The following DTWD2 variants were observed in gnomAD, a reference collection of about 807,000 sequenced individuals.
DTWD2 encodes the protein DTW motif tRNA-uridine aminocarboxypropyltransferase 2, also known as tRNA-uridine aminocarboxypropyltransferase 2.
In DTWD2, 39 loss-of-function variants were observed where a neutral mutation model predicts 31.8. The ratio of observed to expected loss-of-function variants is 1.22; its 90% CI spans 0.95 to 1.60. The LOEUF is 1.60. Ranked by LOEUF, DTWD2 falls within the 40% of genes most tolerant of loss-of-function variation. DTWD2 has a pLI of 0.00. For missense variants in DTWD2, 515 were observed against 381.5 expected, an observed-to-expected ratio of 1.35 and a Z score of -2.92; for synonymous variants, 180 against 142.8, an observed-to-expected ratio of 1.26 and a Z score of -1.86.
chr5:118,947,726 G>C (rs534593237), intron 1 of DTWD2, among the ~76,000 whole-genome samples: 19 of 152,236 alleles, frequency 1.2e-4, no homozygotes, highest in African/African-American at 4.3e-4. Flanking sequence ...CAGGGACCTT[G>C]CCCTTTTCTG....
chr5:118,885,779 T>A (rs1389852485), intron 4 of DTWD2, among the ~76,000 whole-genome samples: 8 of 149,594 alleles, frequency 5.3e-5, no homozygotes, highest in Non-Finnish European at 7.4e-5. Flanking sequence ...AAAAAAAAAA[T>A]AAAAATAATA....
At chr5:118,883,961 G>A (rs1391961860) in intron 4 of DTWD2, among the ~76,000 whole-genome samples, 3 of 152,194 alleles carry the variant, frequency 2.0e-5, no homozygotes, top group Non-Finnish European at 4.4e-5. Context: ...GAGCAGAAGA[G>A]ACAGAATAGT....
At chr5:118,905,749 C>A (rs1297661381) in intron 4 of DTWD2, among the ~76,000 whole-genome samples, 2 of 151,970 alleles carry the variant, frequency 1.3e-5, no homozygotes, top group African/African-American at 2.4e-5. Context: ...GCTTTGCTAA[C>A]CAGAAAGGCT....
chr5:118,987,180 C>T, intron 1 of DTWD2, among the ~76,000 whole-genome samples: 1 of 152,146 alleles, frequency 6.6e-6, no homozygotes, highest in Non-Finnish European at 1.5e-5. Context: ...CTTCCCCAAC[C>T]CCCTCAGACG....
At chr5:118,939,599 T>C (rs1754137029) in intron 2 of DTWD2, among the ~76,000 whole-genome samples, 2 of 152,234 alleles carry the variant, frequency 1.3e-5, no homozygotes. Flanking sequence ...AATCATTTAC[T>C]CTGACAAGTT....
At chr5:118,934,622 T>C (rs1275927763) in intron 3 of DTWD2, among the ~76,000 whole-genome samples, 2 of 152,050 alleles carry the variant, frequency 1.3e-5, no homozygotes, top group Non-Finnish European at 2.9e-5. Flanking sequence ...AAAAACTTAG[T>C]AACCCAGAAG....
At chr5:118,868,781 G>A (rs1239005381) in intron 4 of DTWD2, among the ~76,000 whole-genome samples, 2 of 148,314 alleles carry the variant, frequency 1.3e-5, no homozygotes, top group African/African-American at 2.5e-5. Flanking sequence ...CGAGGCTGCA[G>A]TGAACCGTGA....
At chr5:118,921,691 T>A (rs1035929365) in intron 4 of DTWD2, among the ~76,000 whole-genome samples, 1 of 152,194 alleles carries the variant, frequency 6.6e-6, no homozygotes, top group Admixed American at 6.5e-5. Flanking sequence ...ATTTAAAGCA[T>A]ATTTCCTGGA....
chr5:118,853,448 T>C (rs957817850), intron 4 of DTWD2, among the ~76,000 whole-genome samples: 2 of 152,132 alleles, frequency 1.3e-5, no homozygotes, highest in African/African-American at 4.8e-5. Flanking sequence ...TACATGCACT[T>C]ATATGTTCAC....
intron 5 of DTWD2, among the ~76,000 whole-genome samples, chr5:118,843,260 T>C (rs1172059045): frequency 7.5e-6 from 1 of 134,082 alleles, no homozygotes; most frequent in East Asian, 2.2e-4. Context: ...CGGCCCAGAA[T>C]AGAAATGAAA....
At chr5:118,913,858 C>A (rs1189747068) in intron 4 of DTWD2, among the ~76,000 whole-genome samples, 3 of 152,066 alleles carry the variant, frequency 2.0e-5, no homozygotes, top group East Asian at 3.9e-4. Context: ...TGATAAAATA[C>A]AACTAACAAA....
At chr5:118,913,432 T>C (rs57375054) in intron 4 of DTWD2, among the ~76,000 whole-genome samples, 2,254 of 137,696 alleles carry the variant, frequency 0.016, 62 homozygotes, top group African/African-American at 0.055. Flanking sequence ...TATATATATA[T>C]ACACACACAC....
intron 4 of DTWD2, among the ~76,000 whole-genome samples, chr5:118,913,021 A>T (rs1366471603): frequency 6.6e-6 from 1 of 152,172 alleles, no homozygotes; most frequent in Admixed American, 6.5e-5. Context: ...GCTCATTACG[A>T]AGTGGAAGAC....
chr5:118,915,520 G>A (rs562761531), intron 4 of DTWD2, among the ~76,000 whole-genome samples: 11 of 152,000 alleles, frequency 7.2e-5, no homozygotes, highest in South Asian at 2.1e-4. Flanking sequence ...GAATACAGGC[G>A]CACACCACCA....
intron 4 of DTWD2, among the ~76,000 whole-genome samples, chr5:118,865,079 CTAAT>C (rs1400166098): frequency 2.1e-4 from 32 of 152,218 alleles, no homozygotes; most frequent in Admixed American, 2.0e-3. Flanking sequence ...AATCTCATGA[CTAAT>C]TATTTACTTC....
intron 4 of DTWD2, among the ~76,000 whole-genome samples, chr5:118,873,794 C>G (rs1212490811): frequency 6.6e-6 from 1 of 152,206 alleles, no homozygotes; most frequent in Non-Finnish European, 1.5e-5. Flanking sequence ...GCACCTAGAC[C>G]TGTACCAACC....
chr5:118,979,479 C>T (rs1354507268), intron 1 of DTWD2, among the ~76,000 whole-genome samples: 1 of 152,096 alleles, frequency 6.6e-6, no homozygotes, highest in Non-Finnish European at 1.5e-5. Context: ...GCAGAAATAT[C>T]ATGTGACCTA....
intron 4 of DTWD2, among the ~76,000 whole-genome samples, chr5:118,923,763 G>A (rs1561457141): frequency 6.6e-6 from 1 of 152,114 alleles, no homozygotes; most frequent in Non-Finnish European, 1.5e-5. Context: ...CTCTGAGGAG[G>A]CAAGGACTGA....
intron 4 of DTWD2, among the ~76,000 whole-genome samples, chr5:118,865,061 G>A (rs1293219248): frequency 1.3e-5 from 2 of 151,948 alleles, no homozygotes; most frequent in Non-Finnish European, 2.9e-5. Flanking sequence ...TAATGTACAT[G>A]GCTTTCCAAT....
Sources: gnomAD v4.1 joint callset for allele counts (sites outside exome capture counted in the v4.1 genomes callset) on GRCh38, gnomAD v4.1.1 for gene constraint, MANE v1.5 for transcripts, NCBI Gene and HGNC (gene_info 2026-07-23, HGNC 2026-07-21) for gene names.